The following CDH8 variants were observed in gnomAD, a reference collection of about 807,000 sequenced individuals.
The protein encoded by CDH8 is cadherin-8.
Under a neutral mutation model 68.1 loss-of-function variants are expected in CDH8, and 17 were observed. That is an observed-to-expected ratio of 0.25 (90% CI 0.17 to 0.37). CDH8 has a LOEUF of 0.37. CDH8 is among the 10% of genes least tolerant of loss of function. The probability of loss-of-function intolerance (pLI) is 1.00; values close to 1 mark genes in which losing one functional copy is unlikely to be tolerated. For missense variants in CDH8, 763 were observed against 999.3 expected (o/e 0.76, Z 3.19); for synonymous variants, 372 against 365.1 (o/e 1.02, Z -0.21).
chr16:61,675,716 T>TAA (rs1281286645), intron 10 of CDH8, among the ~76,000 whole-genome samples: 4 of 151,650 alleles, frequency 2.6e-5, no homozygotes, highest in Non-Finnish European at 4.4e-5. Context: ...TATGACTTTA[T>TAA]AATGTATAGA....
At chr16:61,972,173 C>T (rs1275169912) in intron 2 of CDH8, among the ~76,000 whole-genome samples, 1 of 152,150 alleles carries the variant, frequency 6.6e-6, no homozygotes, top group Admixed American at 6.6e-5. Context: ...CCTGCACAAG[C>T]TCTCTTGCCT....
intron 2 of CDH8, among the ~76,000 whole-genome samples, chr16:62,008,136 T>G (rs1157387245): frequency 6.6e-6 from 1 of 151,836 alleles, no homozygotes; most frequent in Non-Finnish European, 1.5e-5. Flanking sequence ...GGGGTCTTGC[T>G]GTGTTGCCCA....
chr16:61,661,013 CT>C (rs1225600636), intron 10 of CDH8, among the ~76,000 whole-genome samples: 1 of 151,794 alleles, frequency 6.6e-6, no homozygotes, highest in Non-Finnish European at 1.5e-5. Flanking sequence ...CAATAAGTAT[CT>C]ACTTAAAAAA....
intron 3 of CDH8, among the ~76,000 whole-genome samples, chr16:61,876,631 A>C (rs1963466475): frequency 6.6e-6 from 1 of 152,040 alleles, no homozygotes; most frequent in Non-Finnish European, 1.5e-5. Context: ...CTTGTTCAGG[A>C]GGCAAAAGAA....
intron 8 of CDH8, among the ~76,000 whole-genome samples, chr16:61,732,433 G>A (rs896949213): frequency 2.6e-4 from 39 of 151,792 alleles, no homozygotes; most frequent in African/African-American, 8.9e-4. Flanking sequence ...CTTCTCATCT[G>A]AAATAAAGGA....
intron 2 of CDH8, among the ~76,000 whole-genome samples, chr16:61,991,924 C>G (rs1236784659): frequency 4.6e-5 from 7 of 152,088 alleles, no homozygotes; most frequent in Non-Finnish European, 4.4e-5. Context: ...TTTGGAGAAG[C>G]AAGTTGCTCT....
intron 10 of CDH8, among the ~76,000 whole-genome samples, chr16:61,669,678 C>T (rs893462560): frequency 2.6e-5 from 4 of 152,014 alleles, no homozygotes; most frequent in African/African-American, 7.2e-5. Context: ...AGTCTCTGCT[C>T]CCATACACTG....
At chr16:61,853,244 T>C (rs1331018549) in intron 4 of CDH8, among the ~76,000 whole-genome samples, 2 of 152,008 alleles carry the variant, frequency 1.3e-5, no homozygotes, top group Admixed American at 6.6e-5. Context: ...TGAAGTGAAA[T>C]GTAACAAGCA....
chr16:61,782,487 T>G (rs928488177), intron 8 of CDH8, among the ~76,000 whole-genome samples: 205 of 151,992 alleles, frequency 1.3e-3, no homozygotes, highest in Non-Finnish European at 2.3e-3. Context: ...GAGATCAAAC[T>G]GCAAGGCAGC....
intron 2 of CDH8, among the ~76,000 whole-genome samples, chr16:61,943,143 C>A (rs1320199377): frequency 6.6e-6 from 1 of 152,106 alleles, no homozygotes; most frequent in Non-Finnish European, 1.5e-5. Context: ...ACTAATCATC[C>A]AGTCATTCTG....
intron 2 of CDH8, among the ~76,000 whole-genome samples, chr16:62,019,409 CACTTTTGT>C (rs1902019444): frequency 6.6e-6 from 1 of 152,154 alleles, no homozygotes; most frequent in South Asian, 2.1e-4. Context: ...ATCTAAACCT[CACTTTTGT>C]ACCTACAAAA....
intron 7 of CDH8, among the ~76,000 whole-genome samples, chr16:61,791,954 C>G: frequency 6.6e-6 from 1 of 151,800 alleles, no homozygotes; most frequent in East Asian, 1.9e-4. Flanking sequence ...GTTGTGAAGA[C>G]TAAAAACAAA....
intron 3 of CDH8, among the ~76,000 whole-genome samples, chr16:61,869,161 T>C (rs190416717): frequency 6.6e-6 from 1 of 152,296 alleles, no homozygotes; most frequent in African/African-American, 2.4e-5. Context: ...TAGTCCCTTC[T>C]TCTCACACTA....
intron 10 of CDH8, among the ~76,000 whole-genome samples, chr16:61,695,509 G>A (rs1404413966): frequency 6.6e-6 from 1 of 152,048 alleles, no homozygotes; most frequent in Admixed American, 6.5e-5. Context: ...TGAAGACATT[G>A]GGCAGAACAA....
rs1194176686 is a variant in CDH8 at position 61,648,008 on chromosome 16, CA to C, written c.*5599del. On this transcript the variant is annotated 3_prime_UTR_variant, in exon 12 of 12. Transcript: ENST00000577390. ...TAACTCAAGTTGGGGAAATAGTACCCAAAGGCACTATTTTCACCAGCAAATG... is the reference window on the plus strand; with the variant it reads ...TAACTCAAGTTGGGGAAATAGTACCCAAGGCACTATTTTCACCAGCAAATG... The C allele has an allele frequency of 1.8e-5, 11 of 596,774 alleles. No homozygotes were observed. The highest frequency in any genetic ancestry group is 3.0e-5 in the Non-Finnish European group (10 of 334,846). The allele number at this position is 596,774 out of a possible 1,614,324, so 37.0% of individuals were successfully genotyped here.
Position 61,653,477 on chromosome 16 carries a change from G to T in CDH8, c.*131C>A. ...TCTTTTTTTGGTTCAACATTAAAAT[G>T]TGGTTGAGTTTATAGATGACTGGTG... On this transcript the variant is annotated 3_prime_UTR_variant, in exon 12 of 12. Coordinates refer to ENST00000577390, the MANE Select transcript of CDH8 (RefSeq NM_001796.5). 1 of 1,464,472 alleles carries T rather than the reference G, an allele frequency of 6.8e-7. No homozygotes were observed. The highest frequency in any genetic ancestry group is 9.0e-7 in the Non-Finnish European group (1 of 1,108,794). 90.7% of individuals were successfully genotyped at this position (1,464,472 alleles called of 1,614,324 possible). A position where few individuals can be genotyped will look rare whatever the true frequency, so the allele number is the denominator to read the frequency against.
intron 1 of CDH8, among the ~76,000 whole-genome samples, chr16:62,022,290 T>C (rs553236018): frequency 1.3e-5 from 2 of 152,250 alleles, no homozygotes; most frequent in African/African-American, 2.4e-5. Flanking sequence ...AAAATTAGAA[T>C]GCTCCCAGAG....
chr16:61,742,088 T>C (rs1959888493), intron 8 of CDH8, among the ~76,000 whole-genome samples: 1 of 152,160 alleles, frequency 6.6e-6, no homozygotes. Context: ...AGTATTCTGT[T>C]TAGAGGCCTT....
At chr16:62,012,119 C>T (rs1472345492) in intron 2 of CDH8, among the ~76,000 whole-genome samples, 1 of 152,176 alleles carries the variant, frequency 6.6e-6, no homozygotes, top group Admixed American at 6.5e-5. Context: ...AGCAAACATT[C>T]TTAGCCAGGC....
Sources: allele counts gnomAD v4.1 joint callset (sites outside exome capture counted in the v4.1 genomes callset), GRCh38; gene constraint gnomAD v4.1.1; transcripts MANE v1.5; gene names NCBI Gene and HGNC (gene_info 2026-07-23, HGNC 2026-07-21).